Variants in KLF12 observed in about 807,000 individuals in gnomAD.
KLF12 encodes the protein Krueppel-like factor 12.
KLF12 carries 9 observed loss-of-function variants against 37.8 expected under a neutral mutation model. The observed-to-expected ratio is 0.24, with a 90% CI of 0.14 to 0.42. The LOEUF is 0.42. Among genes scored for constraint, KLF12 ranks in the 10% least tolerant of loss-of-function variants. The probability of loss-of-function intolerance (pLI) is 1.00; values close to 1 mark genes in which losing one functional copy is unlikely to be tolerated. For synonymous variants in KLF12, 208 were observed against 202.1 expected, an observed-to-expected ratio of 1.03 and a Z score of -0.25; for missense variants, 411 against 516.0, an observed-to-expected ratio of 0.80 and a Z score of 1.97.
chr13:73,924,005 G>A (rs935204352), intron 3 of KLF12, among the ~76,000 whole-genome samples: 4 of 152,036 alleles, frequency 2.6e-5, no homozygotes, highest in Non-Finnish European at 4.4e-5. Flanking sequence ...CTTTTCTCTT[G>A]GGAAAAATGA....
chr13:73,850,967 A>G (rs755951212), intron 3 of KLF12, among the ~76,000 whole-genome samples: 1 of 152,218 alleles, frequency 6.6e-6, no homozygotes, highest in African/African-American at 2.4e-5. Flanking sequence ...GACACAAAAG[A>G]CTTAGATTCA....
chr13:73,921,200 C>T (rs1381762796), intron 3 of KLF12, among the ~76,000 whole-genome samples: 4 of 152,176 alleles, frequency 2.6e-5, no homozygotes, highest in East Asian at 1.9e-4. Context: ...AACCATCTGG[C>T]CCCTCTTGAT....
At chr13:73,862,537 C>T (rs1338254623) in intron 3 of KLF12, among the ~76,000 whole-genome samples, 2 of 152,144 alleles carry the variant, frequency 1.3e-5, no homozygotes, top group African/African-American at 2.4e-5. Flanking sequence ...TCAGGAAAGA[C>T]TGAAATCACT....
chr13:73,896,585 A>G (rs991104271), intron 3 of KLF12, among the ~76,000 whole-genome samples: 2 of 152,194 alleles, frequency 1.3e-5, no homozygotes, highest in African/African-American at 2.4e-5. Flanking sequence ...CAGCATAGTG[A>G]GGTGTGATAA....
At chr13:74,132,133 G>A (rs969348411) in intron 1 of KLF12, among the ~76,000 whole-genome samples, 4 of 152,054 alleles carry the variant, frequency 2.6e-5, no homozygotes, top group African/African-American at 7.2e-5. Context: ...CTTGAGGGAG[G>A]GGGGGTCCAC....
At chr13:73,955,861 A>T (rs1273896356) in intron 2 of KLF12, among the ~76,000 whole-genome samples, 1 of 146,828 alleles carries the variant, frequency 6.8e-6, no homozygotes, top group Non-Finnish European at 1.5e-5. Flanking sequence ...GGCAATATGA[A>T]GTCAGCAATA....
intron 6 of KLF12, among the ~76,000 whole-genome samples, chr13:73,746,201 T>C (rs915362381): frequency 1.3e-5 from 2 of 152,114 alleles, no homozygotes; most frequent in Admixed American, 1.3e-4. Context: ...AAGAGAAGTA[T>C]TAAAGAGGTA....
chr13:74,110,879 T>G (rs1566217036), intron 1 of KLF12, among the ~76,000 whole-genome samples: 1 of 152,196 alleles, frequency 6.6e-6, no homozygotes, highest in Non-Finnish European at 1.5e-5. Context: ...AGTTGTGTAT[T>G]TGAAATTGAC....
At chr13:73,752,748 C>T (rs1878865415) in intron 6 of KLF12, among the ~76,000 whole-genome samples, 1 of 65,132 alleles carries the variant, frequency 1.5e-5, no homozygotes, top group Non-Finnish European at 3.0e-5. Flanking sequence ...TTTTTTGACA[C>T]AGAGTCTTGC....
At chr13:73,861,520 C>A (rs1261770253) in intron 3 of KLF12, among the ~76,000 whole-genome samples, 1 of 152,208 alleles carries the variant, frequency 6.6e-6, no homozygotes, top group Non-Finnish European at 1.5e-5. Context: ...CCAGGGGACA[C>A]TGAGCAACAT....
At position 73,845,871 on chromosome 13, in the gene KLF12, GTGT is replaced by G; in HGVS notation, c.623_625del (p.Asn208del). 6.2e-7 allele frequency: 1 copy of G among 1,614,172 alleles called. No homozygotes were observed. Among genetic ancestry groups the G allele is most frequent in the African/African-American group, 1.3e-5 (1 of 75,054 alleles). On this transcript the variant is annotated inframe_deletion, in exon 4 of 8. Transcript: ENST00000377669. ...ATCCTCCAAAAGCGGCACGACAATA[GTGT>G]TGTTCACATTTCCAGGTGACCTTAC... is the stretch of plus-strand genomic sequence containing the variant.
At chr13:74,003,969 C>T (rs1467574354) in intron 1 of KLF12, among the ~76,000 whole-genome samples, 4 of 152,110 alleles carry the variant, frequency 2.6e-5, no homozygotes, top group African/African-American at 9.7e-5. Context: ...AAAACTAATA[C>T]GTTCACAAGT....
At chr13:74,006,314 T>C (rs1185240039) in intron 1 of KLF12, among the ~76,000 whole-genome samples, 1 of 152,130 alleles carries the variant, frequency 6.6e-6, no homozygotes, top group Non-Finnish European at 1.5e-5. Context: ...GAAGATTCTC[T>C]CTCCCTACAG....
intron 3 of KLF12, among the ~76,000 whole-genome samples, chr13:73,921,290 C>CA (rs1889106234): frequency 6.6e-6 from 1 of 152,114 alleles, no homozygotes; most frequent in Non-Finnish European, 1.5e-5. Flanking sequence ...TGTTTACTGT[C>CA]AGATTCTTTC....
chr13:73,790,132 C>T (rs1309061943), intron 5 of KLF12, among the ~76,000 whole-genome samples: 4 of 152,196 alleles, frequency 2.6e-5, no homozygotes, highest in African/African-American at 9.7e-5. Context: ...TTCCAATTCG[C>T]TGTTCACATA....
chr13:74,049,796 T>C (rs1872787377), intron 1 of KLF12, among the ~76,000 whole-genome samples: 1 of 152,138 alleles, frequency 6.6e-6, no homozygotes, highest in Non-Finnish European at 1.5e-5. Flanking sequence ...CCCTTGCTCT[T>C]CAAATTCTCA....
chr13:73,992,854 G>A (rs1308925041), intron 2 of KLF12, among the ~76,000 whole-genome samples: 1 of 152,158 alleles, frequency 6.6e-6, no homozygotes, highest in African/African-American at 2.4e-5. Flanking sequence ...TCTGATTCAA[G>A]CAGACTTAAA....
intron 7 of KLF12, among the ~76,000 whole-genome samples, chr13:73,698,441 C>G (rs1204238248): frequency 6.6e-6 from 1 of 152,060 alleles, no homozygotes; most frequent in African/African-American, 2.4e-5. Context: ...ACTTAAAATT[C>G]TCTAATTTCT....
intron 1 of KLF12, among the ~76,000 whole-genome samples, chr13:74,007,606 A>G (rs750848073): frequency 3.9e-5 from 6 of 152,146 alleles, no homozygotes; most frequent in African/African-American, 7.2e-5. Context: ...ACCCCAATAC[A>G]GCTAATGTCG....
Sources: gnomAD v4.1 joint callset for allele counts (sites outside exome capture counted in the v4.1 genomes callset) on GRCh38, gnomAD v4.1.1 for gene constraint, MANE v1.5 for transcripts, NCBI Gene and HGNC (gene_info 2026-07-23, HGNC 2026-07-21) for gene names.